Variants in NTM observed in about 807,000 individuals in gnomAD.
The protein encoded by NTM is IgLON family member 2.
Under a neutral mutation model 42.1 loss-of-function variants are expected in NTM, and 13 were observed. That is an observed-to-expected ratio of 0.31 (90% CI 0.20 to 0.49). The LOEUF is 0.49. Among genes scored for constraint, NTM ranks in the 20% least tolerant of loss-of-function variants. The pLI is 0.99. For synonymous variants in NTM, 187 were observed against 179.2 expected, an observed-to-expected ratio of 1.04 and a Z score of -0.35; for missense variants, 373 against 452.8, an observed-to-expected ratio of 0.82 and a Z score of 1.60.
At chr11:132,317,429 C>A (rs1347193008) in intron 7 of NTM, among the ~76,000 whole-genome samples, 1 of 152,172 alleles carries the variant, frequency 6.6e-6, no homozygotes, top group South Asian at 2.1e-4. Context: ...CAGCTCCCTG[C>A]CTTCCCAGTC....
chr11:131,718,161 G>A (rs2135373826), intron 1 of NTM, among the ~76,000 whole-genome samples: 1 of 152,188 alleles, frequency 6.6e-6, no homozygotes, highest in African/African-American at 2.4e-5. Flanking sequence ...ATAATGGTCT[G>A]TAGTTTTAGT....
Position 132,261,311 on chromosome 11 carries a change from C to CT in NTM, c.527-46376dup, listed in dbSNP as rs534359354. ...TTCCTCATGCTTAAAATCAGGTTGT[C>CT]TTGAAGCCCACCCCACGGTGGATGG... On this transcript the variant is annotated intron_variant, in intron 4 of 8. Coordinates refer to ENST00000683400, the MANE Select transcript of NTM (RefSeq NM_001352005.2). Among the ~76,000 whole-genome samples the CT allele has an allele frequency of 1.7e-4, 26 of 152,252 alleles. No homozygotes were observed. The East Asian group carries it at 5.0e-3, about 29-fold the overall frequency.
At chr11:131,745,544 G>A (rs1024536435) in intron 1 of NTM, among the ~76,000 whole-genome samples, 2 of 152,100 alleles carry the variant, frequency 1.3e-5, no homozygotes, top group Non-Finnish European at 2.9e-5. Flanking sequence ...CTTGGTTTCC[G>A]AATTACTAGA....
chr11:131,491,942 C>T (rs1417235900), intron 1 of NTM, among the ~76,000 whole-genome samples: 3 of 152,198 alleles, frequency 2.0e-5, no homozygotes, highest in Non-Finnish European at 4.4e-5. Flanking sequence ...TCGGCACTAG[C>T]TTGAGCACTT....
At chr11:131,796,751 G>A (rs775661010) in intron 1 of NTM, among the ~76,000 whole-genome samples, 49 of 152,174 alleles carry the variant, frequency 3.2e-4, no homozygotes, top group Admixed American at 5.9e-4. Context: ...CTGGCACAGG[G>A]TAGGGCCCTG....
chr11:132,125,914 GTGTGTGTGTATAT>G lies in NTM; in HGVS notation c.168-20358_168-20346del, dbSNP rs1230558289. On this transcript the variant is annotated intron_variant, in intron 2 of 8. Coordinates refer to ENST00000683400, the MANE Select transcript of NTM (RefSeq NM_001352005.2). The stretch of plus-strand genomic sequence containing the variant: ...TGTGTGCGTGCATGTGTTTGTATGT[GTGTGTGTGTATAT>G]TGTGTGTGTGTAAGAGAGATCAACA... 4.6e-5 allele frequency among the ~76,000 whole-genome samples: 7 copies of G among 151,568 alleles called. No individual in the cohort carries two copies. In the East Asian group the frequency reaches 1.4e-3, roughly 30 times the overall value.
intron 1 of NTM, among the ~76,000 whole-genome samples, chr11:131,767,654 A>G (rs1160219366): frequency 6.6e-6 from 1 of 152,242 alleles, no homozygotes; most frequent in Non-Finnish European, 1.5e-5. Flanking sequence ...TCCTCGCCAG[A>G]CACAGAATCC....
intron 1 of NTM, among the ~76,000 whole-genome samples, chr11:131,458,458 C>A (rs80255871): frequency 0.019 from 2,891 of 152,252 alleles, 93 homozygotes; most frequent in African/African-American, 0.065. Flanking sequence ...CCTCTGCCTA[C>A]CAAAATCCCA....
intron 1 of NTM, among the ~76,000 whole-genome samples, chr11:131,719,008 C>G (rs891105260): frequency 2.6e-5 from 4 of 152,128 alleles, no homozygotes; most frequent in Non-Finnish European, 5.9e-5. Context: ...CTCCCAGGTT[C>G]AGGTCATCTT....
At chr11:131,658,849 T>C (rs554729889) in intron 1 of NTM, among the ~76,000 whole-genome samples, 1 of 152,146 alleles carries the variant, frequency 6.6e-6, no homozygotes, top group East Asian at 1.9e-4. Context: ...CAGGCACCTG[T>C]AATCCCAGCT....
chr11:131,873,678 C>CACACATATATAT (rs2048127983), intron 1 of NTM, among the ~76,000 whole-genome samples: 2 of 110,914 alleles, frequency 1.8e-5, no homozygotes, highest in African/African-American at 6.7e-5. Flanking sequence ...TATATATATA[C>CACACATATATAT]ACACATATAT....
intron 1 of NTM, among the ~76,000 whole-genome samples, chr11:131,809,483 A>G (rs1373868983): frequency 6.6e-6 from 1 of 152,138 alleles, no homozygotes; most frequent in Non-Finnish European, 1.5e-5. Flanking sequence ...GGCCACCCGT[A>G]TAAGACTAGG....
At chr11:131,682,962 A>G (rs1036733961) in intron 1 of NTM, among the ~76,000 whole-genome samples, 10 of 152,288 alleles carry the variant, frequency 6.6e-5, no homozygotes, top group African/African-American at 2.2e-4. Context: ...TAGATGTCGT[A>G]CACATCCCAA....
chr11:131,893,064 A>T (rs757247579), intron 1 of NTM, among the ~76,000 whole-genome samples: 11 of 152,156 alleles, frequency 7.2e-5, no homozygotes, highest in Non-Finnish European at 1.6e-4. Context: ...AAAACCAAGA[A>T]CTTTATAGGA....
intron 3 of NTM, among the ~76,000 whole-genome samples, chr11:132,181,941 G>A (rs2077633466): frequency 1.4e-5 from 2 of 138,636 alleles, no homozygotes; most frequent in Admixed American, 7.3e-5. Context: ...TCAAAATGGA[G>A]TCACACTATC....
intron 1 of NTM, chr11:131,538,367 T>A (rs759190728): frequency 6.6e-6 from 1 of 152,104 alleles, no homozygotes; most frequent in Non-Finnish European, 1.5e-5. Context: ...GAGACTAGCA[T>A]TGGTGTCTGC....
chr11:131,373,494 G>A (rs573102875), intron 1 of NTM, among the ~76,000 whole-genome samples: 143 of 152,052 alleles, frequency 9.4e-4, no homozygotes, highest in South Asian at 1.7e-3. Flanking sequence ...GGGGGTTTCT[G>A]AGGGAATCAG....
intron 1 of NTM, among the ~76,000 whole-genome samples, chr11:131,511,720 G>A (rs2048278042): frequency 6.6e-6 from 1 of 152,206 alleles, no homozygotes. Flanking sequence ...CCTGGCAGCT[G>A]CGTCCTCCAC....
chr11:131,436,380 C>G (rs1291730871), intron 1 of NTM, among the ~76,000 whole-genome samples: 1 of 152,140 alleles, frequency 6.6e-6, no homozygotes, highest in African/African-American at 2.4e-5. Flanking sequence ...TTTTGTACCT[C>G]CGGTAGGATT....
Sources: gnomAD v4.1 joint callset for allele counts (sites outside exome capture counted in the v4.1 genomes callset) on GRCh38, gnomAD v4.1.1 for gene constraint, MANE v1.5 for transcripts, NCBI Gene and HGNC (gene_info 2026-07-23, HGNC 2026-07-21) for gene names.